The following SMOC1 variants were observed in gnomAD, a reference collection of about 807,000 sequenced individuals.
SMOC1 encodes SPARC-related modular calcium-binding protein 1.
A neutral mutation model predicts 56.3 loss-of-function variants in SMOC1; 22 were observed. That is an observed-to-expected ratio of 0.39 (90% confidence interval 0.28 to 0.56). The LOEUF is 0.56. Among genes scored for constraint, SMOC1 ranks in the 20% least tolerant of loss-of-function variants. SMOC1 has a pLI of 0.61. For missense variants in SMOC1, 509 were observed against 565.4 expected (o/e 0.90, Z 1.01); for synonymous variants, 193 against 215.0 (o/e 0.90, Z 0.89).
At chr14:70,007,607 A>G (rs1379345015) in intron 7 of SMOC1, among the ~76,000 whole-genome samples, 1 of 152,218 alleles carries the variant, frequency 6.6e-6, no homozygotes, top group Non-Finnish European at 1.5e-5. Context: ...CCTAGAGCAA[A>G]TGGTTAGAGG....
intron 7 of SMOC1, among the ~76,000 whole-genome samples, chr14:69,995,490 G>C (rs1014718942): frequency 6.6e-6 from 1 of 152,224 alleles, no homozygotes; most frequent in Non-Finnish European, 1.5e-5. Flanking sequence ...AGTGAAAGGA[G>C]ACTGTGAACC....
At chr14:69,932,605 G>A (rs1885196236) in intron 1 of SMOC1, among the ~76,000 whole-genome samples, 1 of 152,226 alleles carries the variant, frequency 6.6e-6, no homozygotes, top group African/African-American at 2.4e-5. Flanking sequence ...GCCGGATTAG[G>A]CACATTCAGT....
At chr14:70,001,868 C>T (rs956471931) in intron 7 of SMOC1, among the ~76,000 whole-genome samples, 3 of 152,220 alleles carry the variant, frequency 2.0e-5, no homozygotes, top group Admixed American at 1.3e-4. Flanking sequence ...AGGGGTAGAG[C>T]CTGAATCATT....
chr14:69,927,076 A>T (rs948438997), intron 1 of SMOC1, among the ~76,000 whole-genome samples: 1 of 152,266 alleles, frequency 6.6e-6, no homozygotes, highest in South Asian at 2.1e-4. Context: ...TTCCGTTATC[A>T]TGCCATTTTA....
intron 7 of SMOC1, among the ~76,000 whole-genome samples, chr14:69,998,310 G>A (rs1005737525): frequency 1.3e-5 from 2 of 152,106 alleles, no homozygotes; most frequent in African/African-American, 2.4e-5. Flanking sequence ...TTTGCATTCA[G>A]GAAGACAATG....
At chr14:69,899,789 G>A (rs920520582) in intron 1 of SMOC1, among the ~76,000 whole-genome samples, 2 of 152,160 alleles carry the variant, frequency 1.3e-5, no homozygotes, top group African/African-American at 4.8e-5. Context: ...CCTCTGGCAG[G>A]TTGTCAGTTA....
At chr14:70,026,453 C>T (rs1885929345) in intron 11 of SMOC1, among the ~76,000 whole-genome samples, 1 of 152,184 alleles carries the variant, frequency 6.6e-6, no homozygotes, top group Non-Finnish European at 1.5e-5. Context: ...GTCTGCCAGT[C>T]CCAGCTGACA....
At chr14:69,885,401 A>T (rs1883772845) in intron 1 of SMOC1, 1 of 1,600,552 alleles carries the variant, frequency 6.2e-7, no homozygotes, top group Non-Finnish European at 8.5e-7. Flanking sequence ...GATACGAGCC[A>T]CAGACTTAGG....
Position 70,031,560 on chromosome 14 carries a change from C to T in SMOC1, c.*1302C>T, listed in dbSNP as rs1886151808. ...CTTTAAGCTAATTCCAGAAGTAAAA[C>T]TGATCTTGGGTTTCCTATTCTGCCT... On this transcript the variant is annotated 3_prime_UTR_variant, in exon 12 of 12. Transcript: ENST00000361956. 6.6e-6 allele frequency: 1 copy of T among 152,218 alleles called. No homozygotes were observed. 9.4% of individuals were successfully genotyped at this position (152,218 alleles called of 1,614,324 possible). A position where few individuals can be genotyped will look rare whatever the true frequency, so the allele number is the denominator to read the frequency against.
At chr14:69,901,206 G>A (rs1884233259) in intron 1 of SMOC1, among the ~76,000 whole-genome samples, 1 of 152,212 alleles carries the variant, frequency 6.6e-6, no homozygotes. Flanking sequence ...TAGTCCATGA[G>A]GGTCCAAAGA....
chr14:69,884,857 A>G (rs1449798165), intron 1 of SMOC1, among the ~76,000 whole-genome samples: 3 of 152,196 alleles, frequency 2.0e-5, no homozygotes, highest in South Asian at 4.2e-4. Context: ...TTGAAGTCAT[A>G]TAGTGTGATG....
At chr14:69,961,965 G>T (rs888448376) in intron 3 of SMOC1, among the ~76,000 whole-genome samples, 9 of 152,042 alleles carry the variant, frequency 5.9e-5, no homozygotes, top group African/African-American at 2.2e-4. Flanking sequence ...GGTGTGAAGT[G>T]GTATCTCATG....
chr14:69,954,904 A>C (rs777589926), intron 3 of SMOC1, among the ~76,000 whole-genome samples: 4 of 152,120 alleles, frequency 2.6e-5, no homozygotes, highest in Non-Finnish European at 5.9e-5. Context: ...TACTGATTTG[A>C]GACTAACTTT....
intron 3 of SMOC1, among the ~76,000 whole-genome samples, chr14:69,956,268 C>T (rs913214595): frequency 4.6e-5 from 7 of 152,156 alleles, no homozygotes; most frequent in African/African-American, 7.2e-5. Context: ...GGCCAGACAG[C>T]GGGCCCATCC....
intron 1 of SMOC1, among the ~76,000 whole-genome samples, chr14:69,936,390 C>T (rs755570571): frequency 1.3e-5 from 2 of 152,200 alleles, no homozygotes; most frequent in African/African-American, 4.8e-5. Flanking sequence ...AGACGCTGCC[C>T]GAGAGGGCAT....
intron 1 of SMOC1, among the ~76,000 whole-genome samples, chr14:69,938,737 C>A (rs1316155332): frequency 6.6e-6 from 1 of 152,090 alleles, no homozygotes; most frequent in Non-Finnish European, 1.5e-5. Context: ...CCATTCACCT[C>A]CTTTGGGGAA....
At chr14:69,923,147 G>A (rs567398006) in intron 1 of SMOC1, among the ~76,000 whole-genome samples, 8 of 151,814 alleles carry the variant, frequency 5.3e-5, no homozygotes, top group African/African-American at 1.5e-4. Context: ...GGGTTTCACA[G>A]TGTTAGCCAG....
chr14:69,921,878 C>T (rs1471716535), intron 1 of SMOC1, among the ~76,000 whole-genome samples: 1 of 152,146 alleles, frequency 6.6e-6, no homozygotes, highest in Non-Finnish European at 1.5e-5. Context: ...GAGAAAGGTA[C>T]CCGAGGGAAG....
chr14:69,979,401 T>C (rs947990702), intron 5 of SMOC1, among the ~76,000 whole-genome samples: 4 of 151,718 alleles, frequency 2.6e-5, no homozygotes, highest in Non-Finnish European at 4.4e-5. Flanking sequence ...AATGAGAAAG[T>C]GGTTGGAAAG....
Sources: gnomAD v4.1 joint callset for allele counts (sites outside exome capture counted in the v4.1 genomes callset) on GRCh38, gnomAD v4.1.1 for gene constraint, MANE v1.5 for transcripts, NCBI Gene and HGNC (gene_info 2026-07-23, HGNC 2026-07-21) for gene names.